Variants in LINGO2 observed in about 807,000 individuals in gnomAD.
LINGO2 encodes the protein leucine rich repeat and Ig domain containing 2.
In LINGO2, 14 loss-of-function variants were observed where a neutral mutation model predicts 30.6. That is an observed-to-expected ratio of 0.46 (90% CI 0.30 to 0.72). LINGO2 has a LOEUF of 0.72. Ranked by LOEUF, LINGO2 falls within the 30% of genes least tolerant of loss-of-function variation. LINGO2 has a pLI of 0.07. For synonymous variants in LINGO2, 317 were observed against 288.5 expected, an observed-to-expected ratio of 1.10 and a Z score of -1.00; for missense variants, 729 against 751.7, an observed-to-expected ratio of 0.97 and a Z score of 0.35.
At chr9:28,952,100 A>G in the LINGO2 span, among the ~76,000 whole-genome samples, 1 of 152,066 alleles carries the variant, frequency 6.6e-6, no homozygotes, top group South Asian at 2.1e-4. Flanking sequence ...CCATCCATCC[A>G]CACACTTACG....
the LINGO2 span, among the ~76,000 whole-genome samples, chr9:28,743,005 TATATG>T: frequency 9.9e-5 from 15 of 152,144 alleles, no homozygotes; most frequent in East Asian, 7.7e-4. Context: ...CATAATTGCC[TATATG>T]ATATATTTCT....
intron 1 of LINGO2, among the ~76,000 whole-genome samples, chr9:28,649,457 G>A (rs1827988262): frequency 6.6e-6 from 1 of 152,126 alleles, no homozygotes; most frequent in Non-Finnish European, 1.5e-5. Context: ...AGCTCATCCA[G>A]CATGTGGCAG....
chr9:29,077,326 C>G, the LINGO2 span, among the ~76,000 whole-genome samples: 1 of 151,906 alleles, frequency 6.6e-6, no homozygotes, highest in Non-Finnish European at 1.5e-5. Context: ...GAGTTTAAAT[C>G]TATGCTCAAG....
At chr9:27,952,868 A>G (rs1272563595) in intron 5 of LINGO2, among the ~76,000 whole-genome samples, 2 of 152,136 alleles carry the variant, frequency 1.3e-5, no homozygotes, top group African/African-American at 4.8e-5. Context: ...CCAGGAAGGA[A>G]GAGAATGATT....
intron 4 of LINGO2, among the ~76,000 whole-genome samples, chr9:28,280,272 G>T (rs557185101): frequency 3.0e-4 from 46 of 152,220 alleles, no homozygotes; most frequent in Middle Eastern, 3.4e-3. Flanking sequence ...TTGTAAGTAA[G>T]ATACATAAGA....
intron 1 of LINGO2, among the ~76,000 whole-genome samples, chr9:28,565,966 T>C (rs564682352): frequency 4.6e-4 from 70 of 152,272 alleles, no homozygotes; most frequent in African/African-American, 1.6e-3. Context: ...TATATCTATA[T>C]CTGTATATTA....
chr9:29,015,631 T>C, the LINGO2 span, among the ~76,000 whole-genome samples: 1 of 152,150 alleles, frequency 6.6e-6, no homozygotes, highest in Non-Finnish European at 1.5e-5. Context: ...GTGTCAACCA[T>C]AGTGAAGTGT....
the LINGO2 span, among the ~76,000 whole-genome samples, chr9:28,992,343 C>T: frequency 5.5e-4 from 84 of 152,218 alleles, no homozygotes; most frequent in East Asian, 0.011. Context: ...GCACCCAATA[C>T]GGGAGCACCC....
At chr9:29,085,281 TAAAAAAAAAAAAAAAAAA>T in the LINGO2 span, among the ~76,000 whole-genome samples, 1,054 of 77,086 alleles carry the variant, frequency 0.014, 27 homozygotes, top group African/African-American at 0.043. Flanking sequence ...CTATGGTAAG[TAAAAAAAAAAAAAAAAAA>T]AAAAAAAAAA....
chr9:28,999,775 T>C, the LINGO2 span, among the ~76,000 whole-genome samples: 1 of 152,016 alleles, frequency 6.6e-6, no homozygotes, highest in Non-Finnish European at 1.5e-5. Context: ...AACAGTTTCA[T>C]GCAACCTTTA....
chr9:28,465,098 T>C (rs1291995903), intron 2 of LINGO2, among the ~76,000 whole-genome samples: 1 of 152,146 alleles, frequency 6.6e-6, no homozygotes, highest in Admixed American at 6.5e-5. Context: ...AGTGTTACAG[T>C]GTACTCTTTG....
rs76234917 is a variant in LINGO2, at chr9:28,236,976, C to T, written c.-87+58232G>A. Among the ~76,000 whole-genome samples the T allele has an allele frequency of 4.5e-4, 69 of 152,012 alleles. 3 individuals are homozygous for T. In the East Asian group the frequency reaches 0.013, roughly 28 times the overall value. ...CATGTGATTATTATGCATTGCATGT[C>T]TATACCAGAATATCTCGGGTACCCC... On this transcript the variant is annotated intron_variant, in intron 4 of 5. Transcript: ENST00000379992.
At chr9:29,147,378 T>C in the LINGO2 span, among the ~76,000 whole-genome samples, 2 of 152,134 alleles carry the variant, frequency 1.3e-5, no homozygotes, top group Non-Finnish European at 2.9e-5. Context: ...ACTGCCCCGC[T>C]TTAATTTACG....
At chr9:28,331,683 T>G (rs1825424714) in intron 3 of LINGO2, among the ~76,000 whole-genome samples, 1 of 152,182 alleles carries the variant, frequency 6.6e-6, no homozygotes, top group East Asian at 1.9e-4. Flanking sequence ...TTTTTGTAAT[T>G]TTTTTAGAGA....
At chr9:29,180,141 A>G in the LINGO2 span, among the ~76,000 whole-genome samples, 1 of 152,188 alleles carries the variant, frequency 6.6e-6, no homozygotes, top group African/African-American at 2.4e-5. Flanking sequence ...TCTCAGCACC[A>G]AGGAAAACAC....
At chr9:28,518,089 T>A (rs1376327118) in intron 1 of LINGO2, among the ~76,000 whole-genome samples, 2 of 151,868 alleles carry the variant, frequency 1.3e-5, no homozygotes, top group Admixed American at 1.3e-4. Flanking sequence ...TGGAGCAGAG[T>A]CATTTTACCT....
intron 4 of LINGO2, among the ~76,000 whole-genome samples, chr9:28,030,973 T>G (rs1041033489): frequency 6.6e-6 from 1 of 152,158 alleles, no homozygotes; most frequent in Non-Finnish European, 1.5e-5. Context: ...TAGCAAGAGA[T>G]AGATGAGAGA....
chr9:28,209,028 TC>T (rs1237552215), intron 4 of LINGO2, among the ~76,000 whole-genome samples: 2 of 152,024 alleles, frequency 1.3e-5, no homozygotes, highest in African/African-American at 4.8e-5. Flanking sequence ...ATGCATGTGT[TC>T]CGTATGTCAT....
At chr9:27,989,960 G>A (rs1441648465) in intron 5 of LINGO2, among the ~76,000 whole-genome samples, 1 of 152,034 alleles carries the variant, frequency 6.6e-6, no homozygotes, top group African/African-American at 2.4e-5. Context: ...GAGAAGAGAG[G>A]AGGAATGAGA....
Sources: gnomAD v4.1 joint callset for allele counts (sites outside exome capture counted in the v4.1 genomes callset) on GRCh38, gnomAD v4.1.1 for gene constraint, MANE v1.5 for transcripts, NCBI Gene and HGNC (gene_info 2026-07-23, HGNC 2026-07-21) for gene names.